The following TPRG1 variants were observed in gnomAD, a reference collection of about 807,000 sequenced individuals.
The protein encoded by TPRG1 is tumor protein p63-regulated gene 1 protein.
Under a neutral mutation model 29.3 loss-of-function variants are expected in TPRG1, and 29 were observed. The ratio of observed to expected loss-of-function variants is 0.99; its 90% CI spans 0.74 to 1.35. TPRG1 has a LOEUF of 1.35. Among genes scored for constraint, TPRG1 ranks in the 40% most tolerant of loss-of-function variants. The pLI is 0.00. For synonymous variants in TPRG1, 130 were observed against 116.8 expected (o/e 1.11, Z -0.73); for missense variants, 327 against 335.0 (o/e 0.98, Z 0.19).
At chr3:189,206,411 A>G (rs1453576607) in intron 1 of TPRG1, among the ~76,000 whole-genome samples, 2 of 151,550 alleles carry the variant, frequency 1.3e-5, no homozygotes, top group African/African-American at 4.8e-5. Context: ...TTTTACATAC[A>G]GTGTTGTATG....
At chr3:189,059,792 T>G (rs1219215873) in intron 4 of TPRG1, among the ~76,000 whole-genome samples, 3 of 152,142 alleles carry the variant, frequency 2.0e-5, no homozygotes, top group Non-Finnish European at 4.4e-5. Flanking sequence ...GTAATATAGA[T>G]CAAGTAGGCT....
intron 3 of TPRG1, among the ~76,000 whole-genome samples, chr3:189,224,497 C>A (rs2122437): frequency 0.54 from 81,369 of 150,236 alleles, 22,437 homozygotes; most frequent in African/African-American, 0.7. Context: ...ACAACAACAA[C>A]AAAAAAACAA....
At chr3:189,056,614 G>C (rs182526991) in intron 4 of TPRG1, among the ~76,000 whole-genome samples, 45 of 152,182 alleles carry the variant, frequency 3.0e-4, no homozygotes, top group Admixed American at 1.1e-3. Flanking sequence ...TAATTCCCCT[G>C]CCAGTTTACA....
rs1468130916 is a variant in TPRG1, at chr3:189,238,809, T to A, written c.379T>A (p.Phe127Ile). The change falls in exon 4 of 6, where the codon TTC (phenylalanine) becomes ATC (isoleucine). Residue 127 changes from phenylalanine (F) to isoleucine (I), a missense_variant. By Grantham distance (21) the Phe-to-Ile change is conservative. Transcript: ENST00000345063. ...DKTLLICKYDFIMLSCVQLQR... is the reference protein window; with the variant it reads ...DKTLLICKYDIIMLSCVQLQR... ...GACTCTCTTGATCTGCAAATACGAC[T>A]TCATCATGCTGAGTTGTGTGCAGCT... 1 of 1,613,840 alleles carries A rather than the reference T, an allele frequency of 6.2e-7. No homozygotes were observed.
intron 3 of TPRG1, among the ~76,000 whole-genome samples, chr3:189,021,430 G>T (rs973135679): frequency 5.1e-4 from 77 of 152,050 alleles, no homozygotes; most frequent in African/African-American, 1.7e-3. Context: ...AGGCCTGGTG[G>T]TGACAAAATC....
chr3:189,133,951 A>G (rs535556187), intron 3 of TPRG1, among the ~76,000 whole-genome samples: 4 of 152,224 alleles, frequency 2.6e-5, no homozygotes, highest in Non-Finnish European at 5.9e-5. Flanking sequence ...ACAACAAAAG[A>G]AAGTTGCTCA....
intron 4 of TPRG1, among the ~76,000 whole-genome samples, chr3:189,299,644 A>G (rs76406670): frequency 2.3e-5 from 3 of 132,192 alleles, no homozygotes; most frequent in African/African-American, 9.9e-5. Context: ...TTTTTTTTTT[A>G]CAGTAAAGAT....
At chr3:189,015,722 A>T (rs1712895504) in intron 3 of TPRG1, among the ~76,000 whole-genome samples, 1 of 152,144 alleles carries the variant, frequency 6.6e-6, no homozygotes, top group African/African-American at 2.4e-5. Context: ...AGCTTGGGCC[A>T]TTGCTTCAGA....
intron 2 of TPRG1, among the ~76,000 whole-genome samples, chr3:189,214,506 G>T (rs1247500362): frequency 6.6e-6 from 1 of 152,134 alleles, no homozygotes; most frequent in Non-Finnish European, 1.5e-5. Flanking sequence ...GGGGTCACTG[G>T]AGGTGACTGA....
At chr3:189,121,229 G>A (rs572021664) in intron 1 of TPRG1, 8 of 152,234 alleles carry the variant, frequency 5.3e-5, no homozygotes, top group South Asian at 4.1e-4. Flanking sequence ...TCTAATTTAC[G>A]TAACAGCCCT....
chr3:189,149,949 C>T (rs1428450075), intron 4 of TPRG1, among the ~76,000 whole-genome samples: 3 of 152,180 alleles, frequency 2.0e-5, no homozygotes, highest in Non-Finnish European at 2.9e-5. Flanking sequence ...ACTTTAGCAT[C>T]GACTCTTGCC....
intron 4 of TPRG1, among the ~76,000 whole-genome samples, chr3:189,269,844 G>A (rs538896492): frequency 6.6e-6 from 1 of 152,216 alleles, no homozygotes; most frequent in East Asian, 1.9e-4. Context: ...TTTTTTCATT[G>A]ACCTAAATTT....
intron 3 of TPRG1, among the ~76,000 whole-genome samples, chr3:189,005,299 C>T (rs2152121831): frequency 6.6e-6 from 1 of 152,164 alleles, no homozygotes; most frequent in Admixed American, 6.6e-5. Flanking sequence ...AAGTGTGATA[C>T]AAAGTGGGGA....
At chr3:189,311,440 A>G (rs746208620) in intron 5 of TPRG1, among the ~76,000 whole-genome samples, 2 of 152,204 alleles carry the variant, frequency 1.3e-5, no homozygotes, top group Non-Finnish European at 2.9e-5. Context: ...CATTTCTTGC[A>G]TTAAACATAC....
intron 1 of TPRG1, among the ~76,000 whole-genome samples, chr3:189,118,955 A>G (rs1721506455): frequency 6.6e-6 from 1 of 152,198 alleles, no homozygotes; most frequent in Non-Finnish European, 1.5e-5. Flanking sequence ...TGTGAGAAGA[A>G]GGCCACCATC....
intron 1 of TPRG1, among the ~76,000 whole-genome samples, chr3:189,107,872 T>C (rs1438831055): frequency 6.6e-6 from 1 of 152,176 alleles, no homozygotes; most frequent in East Asian, 1.9e-4. Flanking sequence ...TGATTCATTA[T>C]GGAAGAGAAA....
At chr3:189,218,578 A>G (rs765473574) in intron 3 of TPRG1, among the ~76,000 whole-genome samples, 16 of 152,186 alleles carry the variant, frequency 1.1e-4, no homozygotes, top group Admixed American at 6.5e-5. Flanking sequence ...GAATGATGAG[A>G]GTAAAAGCCC....
chr3:189,264,972 A>T (rs1713800053), intron 4 of TPRG1, among the ~76,000 whole-genome samples: 1 of 152,244 alleles, frequency 6.6e-6, no homozygotes, highest in Non-Finnish European at 1.5e-5. Flanking sequence ...GCATGAAGAT[A>T]AGCACAGGGG....
chr3:189,213,010 A>G lies in TPRG1; in HGVS notation c.211-2282A>G, dbSNP rs974566405. 3.9e-5 allele frequency among the ~76,000 whole-genome samples: 6 copies of G among 152,320 alleles called. No homozygotes were observed. In the East Asian group the frequency reaches 9.6e-4, roughly 24 times the overall value. ...TTACGCTGTGTCAGATGATGTGTAC[A>G]TATTATTCCACTGTATTTCCCTGTT... is the stretch of plus-strand genomic sequence containing the variant. On this transcript the variant is annotated intron_variant, in intron 2 of 5. Transcript: ENST00000345063.
Sources: allele counts gnomAD v4.1 joint callset (sites outside exome capture counted in the v4.1 genomes callset), GRCh38; gene constraint gnomAD v4.1.1; transcripts MANE v1.5; gene names NCBI Gene and HGNC (gene_info 2026-07-23, HGNC 2026-07-21).